The following KDM4B variants were observed in gnomAD, a reference collection of about 807,000 sequenced individuals.
KDM4B encodes lysine demethylase 4B, also known as lysine-specific demethylase 4B.
Under a neutral mutation model 125.2 loss-of-function variants are expected in KDM4B, and 32 were observed. The ratio of observed to expected loss-of-function variants is 0.26; its 90% confidence interval spans 0.19 to 0.34. KDM4B has a LOEUF of 0.34. Ranked by LOEUF, KDM4B falls within the 10% of genes least tolerant of loss-of-function variation. KDM4B has a pLI of 1.00. For missense variants in KDM4B, 1,190 were observed against 1,577.7 expected, an observed-to-expected ratio of 0.75 and a Z score of 4.16; for synonymous variants, 721 against 677.9, an observed-to-expected ratio of 1.06 and a Z score of -0.99.
chr19:5,041,205 T>A lies in KDM4B; in HGVS notation c.386T>A (p.Val129Asp). ...AAATACTGGAAGAACCTCACCTTTGTCTCCCCGATCTACGGGGCTGACATC... is the reference window on the plus strand; with the variant it reads ...AAATACTGGAAGAACCTCACCTTTGACTCCCCGATCTACGGGGCTGACATC... ...ERKYWKNLTF[V>D]SPIYGADISG... The change falls in exon 5 of 23, where the codon GTC becomes GAC. Residue 129 changes from valine to aspartate, a missense_variant. Coordinates refer to ENST00000159111, the MANE Select transcript of KDM4B (RefSeq NM_015015.3). The A allele has an allele frequency of 6.2e-7, 1 of 1,613,294 alleles. No homozygotes were observed. Among genetic ancestry groups the A allele is most frequent in the Non-Finnish European group, 8.5e-7 (1 of 1,179,428 alleles).
At position 5,071,003 on chromosome 19, in the gene KDM4B, C is replaced by T. The variant is rs1164244784; in HGVS notation, c.627-7C>T. On this transcript the variant is annotated splice_polypyrimidine_tract_variant and splice_region_variant and intron_variant, in intron 6 of 22. Transcript: ENST00000159111. ...CTTGCCTCTGACGTGCCTCCCTTCT[C>T]TCGCAGGTACGCCATCCCACCAGAG... 3 of 1,613,602 alleles carry T rather than the reference C, an allele frequency of 1.9e-6. No individual in the cohort carries two copies. The highest frequency in any genetic ancestry group is 3.3e-5 in the Admixed American group (2 of 60,020).
chr19:5,110,520 G>A (rs1380324729), intron 9 of KDM4B, 102 bp from the exon 10 acceptor site: 1 of 1,086,858 alleles, frequency 9.2e-7, no homozygotes, highest in South Asian at 1.3e-5. Flanking sequence ...GGGATGGGGT[G>A]TGGGAGGCCC....
At chr19:5,014,991 T>G (rs1599416885) in intron 1 of KDM4B, among the ~76,000 whole-genome samples, 1 of 144,600 alleles carries the variant, frequency 6.9e-6, no homozygotes. Flanking sequence ...CGAGAGTCCG[T>G]CTCAAAAAAA....
chr19:5,135,712 G>C, intron 15 of KDM4B, 151 bp downstream of exon 15: 1 of 649,588 alleles, frequency 1.5e-6, no homozygotes, highest in East Asian at 2.7e-5. Context: ...GCCTCCCCCG[G>C]TGACTTCCTG....
At chr19:5,058,912 A>C (rs1392932583) in intron 6 of KDM4B, among the ~76,000 whole-genome samples, 1 of 152,200 alleles carries the variant, frequency 6.6e-6, no homozygotes, top group African/African-American at 2.4e-5. Context: ...CCACCGCTTT[A>C]AGAAACTGTT....
Position 5,082,363 on chromosome 19 carries a change from G to A in KDM4B, c.781-4G>A. The A allele has an allele frequency of 6.2e-7, 1 of 1,613,410 alleles. No individual in the cohort carries two copies. The highest frequency in any genetic ancestry group is 8.5e-7 in the Non-Finnish European group (1 of 1,179,866). ...GCCCTCACCTGTCTCCTTTCCCTCT[G>A]CAGATCACGCAGGAGGCCGGGGAAT... On this transcript the variant is annotated splice_region_variant and splice_polypyrimidine_tract_variant and intron_variant, in intron 8 of 22. Transcript: ENST00000159111. The surrounding 1 kb of genome is among the most constrained non-coding windows in gnomAD (Gnocchi z 5.4).
intron 1 of KDM4B, among the ~76,000 whole-genome samples, chr19:4,989,530 A>G (rs1261083752): frequency 6.6e-6 from 1 of 151,646 alleles, no homozygotes; most frequent in Middle Eastern, 3.2e-3. Flanking sequence ...TAGTAGAGAC[A>G]GGGTTTTACC....
intron 5 of KDM4B, 38 bp downstream of exon 5, chr19:5,041,289 T>C (rs779908368): frequency 2.0e-6 from 3 of 1,511,232 alleles, no homozygotes; most frequent in Non-Finnish European, 2.8e-6. Context: ...GGGACCAGCT[T>C]CCTGGTGGGT....
At chr19:5,053,008 G>A (rs1241129853) in intron 6 of KDM4B, among the ~76,000 whole-genome samples, 1 of 152,232 alleles carries the variant, frequency 6.6e-6, no homozygotes, top group East Asian at 1.9e-4. Flanking sequence ...GAGGTTGGGT[G>A]GCCGCAGAGA....
At chr19:5,128,602 G>A (rs997364667) in intron 11 of KDM4B, among the ~76,000 whole-genome samples, 2 of 152,218 alleles carry the variant, frequency 1.3e-5, no homozygotes, top group African/African-American at 4.8e-5. Context: ...TGGCTTTCCT[G>A]ACAGGCGCTC....
intron 16 of KDM4B, 121 bp downstream of exon 16, chr19:5,137,459 C>T: frequency 8.2e-7 from 1 of 1,223,342 alleles, no homozygotes; most frequent in Non-Finnish European, 1.2e-6. Flanking sequence ...CACCTCTGCC[C>T]TGAGGGGGTG....
intron 1 of KDM4B, among the ~76,000 whole-genome samples, chr19:5,002,711 C>T (rs1015186383): frequency 1.1e-4 from 16 of 150,684 alleles, no homozygotes; most frequent in Non-Finnish European, 2.4e-4. Flanking sequence ...CTGTAGTCCC[C>T]GGACTGTGGG....
At chr19:5,145,010 G>T in intron 21 of KDM4B, 108 bp downstream of exon 21, 1 of 1,445,960 alleles carries the variant, frequency 6.9e-7, no homozygotes, top group Non-Finnish European at 9.5e-7. Context: ...CTGGGGCACT[G>T]GCGGGTGTGG....
intron 21 of KDM4B, 62 bp downstream of exon 21, chr19:5,144,964 A>G: frequency 6.2e-7 from 1 of 1,604,130 alleles, no homozygotes; most frequent in East Asian, 2.2e-5. Flanking sequence ...AGGTGCGGGG[A>G]CAGGAGGATC....
chr19:5,130,619 T>C (rs113640868), intron 11 of KDM4B, among the ~76,000 whole-genome samples: 336 of 152,362 alleles, frequency 2.2e-3, no homozygotes, highest in Non-Finnish European at 3.7e-3. Flanking sequence ...ACATCAACAG[T>C]AGAAATGTAC....
chr19:5,082,007 G>A lies in KDM4B; in HGVS notation c.781-360G>A, dbSNP rs1207708852. ...CCCCCATCGCTCCCCATGAAGGTCC[G>A]GCTGGAGACACCCCCACGGGCATTG... On this transcript the variant is annotated intron_variant, in intron 8 of 22. Transcript: ENST00000159111. This position sits in a 1 kb window ranked among gnomAD's most constrained non-coding sequence, Gnocchi z 5.4. Among the ~76,000 whole-genome samples, 1 of 152,066 alleles carries A rather than the reference G, an allele frequency of 6.6e-6. No individual in the cohort carries two copies.
Position 4,977,363 on chromosome 19 carries a change from G to A in KDM4B, c.-109+8133G>A, listed in dbSNP as rs112427542. ...CAGGTGCACAGTGACAGTCACTCACGCAGACCTGGCCCCGTTTGCTGGTAG... is the reference window on the plus strand; with the variant it reads ...CAGGTGCACAGTGACAGTCACTCACACAGACCTGGCCCCGTTTGCTGGTAG... On this transcript the variant is annotated intron_variant, in intron 1 of 22. Transcript: ENST00000159111. Among the ~76,000 whole-genome samples the A allele has an allele frequency of 7.2e-5, 11 of 152,314 alleles. 2 individuals are homozygous for A. Among genetic ancestry groups the A allele is most frequent in the African/African-American group, 2.2e-4 (9 of 41,572 alleles).
intron 14 of KDM4B, among the ~76,000 whole-genome samples, chr19:5,134,861 GACAA>G (rs1170635827): frequency 6.6e-6 from 1 of 152,216 alleles, no homozygotes; most frequent in Non-Finnish European, 1.5e-5. Flanking sequence ...TGGTTCCTGA[GACAA>G]ACAAGACCTG....
chr19:5,032,377 G>C (rs556872128), intron 2 of KDM4B, among the ~76,000 whole-genome samples: 1 of 152,192 alleles, frequency 6.6e-6, no homozygotes, highest in Non-Finnish European at 1.5e-5. Context: ...CAGCCAGCCA[G>C]CCCCCCGTGA....
Sources: allele counts gnomAD v4.1 joint callset (sites outside exome capture counted in the v4.1 genomes callset), GRCh38; gene constraint gnomAD v4.1.1; non-coding constraint Gnocchi (gnomAD v3.1); transcripts MANE v1.5; gene names NCBI Gene and HGNC (gene_info 2026-07-23, HGNC 2026-07-21).